FBXO34: variants seen among roughly 807,000 people sequenced by gnomAD.
FBXO34 encodes the protein F-box protein 34.
A neutral mutation model predicts 24.5 loss-of-function variants in FBXO34; 12 were observed. That is an observed-to-expected ratio of 0.49 (90% CI 0.31 to 0.79). The LOEUF is 0.79. Ranked by LOEUF, FBXO34 falls within the 30% of genes least tolerant of loss-of-function variation. The pLI, the probability that FBXO34 is intolerant of heterozygous loss-of-function variation, is 0.04. For synonymous variants in FBXO34, 320 were observed against 311.9 expected (o/e 1.03, Z -0.27); for missense variants, 823 against 857.7 (o/e 0.96, Z 0.51).
downstream of FBXO34, chr14:55,369,968 C>T (rs1487043973): frequency 1.3e-6 from 2 of 1,525,204 alleles, no homozygotes; most frequent in Non-Finnish European, 1.8e-6. Flanking sequence ...AACAACCATT[C>T]TCAACACCAG....
intron 1 of FBXO34, among the ~76,000 whole-genome samples, chr14:55,307,576 T>A (rs1024695476): frequency 1.3e-5 from 2 of 152,252 alleles, no homozygotes; most frequent in Admixed American, 1.3e-4. Flanking sequence ...GTAATTTCTT[T>A]ATAAACAAGG....
chr14:55,360,672 G>C (rs1483707385), intron 3 of FBXO34, among the ~76,000 whole-genome samples: 1 of 152,146 alleles, frequency 6.6e-6, no homozygotes, highest in African/African-American at 2.4e-5. Context: ...GAAGGTGAAA[G>C]TAGAAAGGAT....
In FBXO34 at chr14:55,352,800, A is replaced by G; in HGVS notation, c.*274A>G. 2.7e-6 allele frequency: 1 copy of G among 370,288 alleles called. No individual in the cohort carries two copies. Among genetic ancestry groups the G allele is most frequent in the South Asian group, 5.4e-5 (1 of 18,654 alleles). The allele number at this position is 370,288 out of a possible 1,614,324, so 22.9% of individuals were successfully genotyped here. ...AATAACTGCCTGTTTTCCTAAATCA[A>G]ACCCATCCTCAAAGGATGAAGACTC... On this transcript the variant is annotated 3_prime_UTR_variant, in exon 2 of 2. Transcript: ENST00000313833.
At chr14:55,283,509 G>C (rs1223445408) in intron 1 of FBXO34, among the ~76,000 whole-genome samples, 1 of 147,036 alleles carries the variant, frequency 6.8e-6, no homozygotes, top group African/African-American at 2.5e-5. Context: ...CTGTTGCCCA[G>C]GCTGGAGTGC....
In FBXO34 at chr14:55,308,039, A is replaced by T. The variant is rs1158396391; in HGVS notation, c.-11+36502A>T. Among the ~76,000 whole-genome samples, 4 of 152,136 alleles carry T rather than the reference A, an allele frequency of 2.6e-5. No individual in the cohort carries two copies. The South Asian group carries it at 8.3e-4, about 31-fold the overall frequency. On this transcript the variant is annotated intron_variant, in intron 1 of 1. Coordinates refer to ENST00000313833, the MANE Select transcript of FBXO34 (RefSeq NM_017943.4). Reference sequence around the variant, plus strand: ...GTGGTAATAAGTCTCACGAGATCCGATGGTTTTATAAATGGGATTCTCCTG... The same window carrying T: ...GTGGTAATAAGTCTCACGAGATCCGTTGGTTTTATAAATGGGATTCTCCTG...
the FBXO34 span, chr14:55,380,668 G>A: frequency 6.2e-7 from 1 of 1,608,656 alleles, no homozygotes; most frequent in Non-Finnish European, 8.5e-7. Context: ...TGATGGTGTA[G>A]GCAGGGTTAC....
chr14:55,377,868 G>T, the FBXO34 span: 1 of 1,605,376 alleles, frequency 6.2e-7, no homozygotes, highest in Non-Finnish European at 8.5e-7. Context: ...AGATTCCTGA[G>T]GGTATGCAGT....
chr14:55,294,984 G>A (rs79313899), intron 1 of FBXO34, among the ~76,000 whole-genome samples: 2,900 of 152,300 alleles, frequency 0.019, 88 homozygotes, highest in African/African-American at 0.062. Flanking sequence ...TTAGTCAACA[G>A]TTGGATAAAA....
chr14:55,408,774 A>AAAAAT, the FBXO34 span, among the ~76,000 whole-genome samples: 6 of 152,208 alleles, frequency 3.9e-5, no homozygotes, highest in Non-Finnish European at 7.3e-5. Flanking sequence ...CTGTCTCAAA[A>AAAAAT]AAAATAAAAT....
chr14:55,373,753 C>CT (rs1484586202), downstream of FBXO34, among the ~76,000 whole-genome samples: 1 of 151,590 alleles, frequency 6.6e-6, no homozygotes, highest in East Asian at 1.9e-4. Context: ...GCCACCATGC[C>CT]TGGTCCTATT....
At chr14:55,285,768 G>A (rs756188179) in intron 1 of FBXO34, among the ~76,000 whole-genome samples, 2 of 152,056 alleles carry the variant, frequency 1.3e-5, no homozygotes, top group Admixed American at 6.6e-5. Context: ...TCCTTTAACC[G>A]AACACTTGTT....
the FBXO34 span, among the ~76,000 whole-genome samples, chr14:55,389,949 C>G: frequency 6.6e-6 from 1 of 151,894 alleles, no homozygotes; most frequent in African/African-American, 2.4e-5. Flanking sequence ...AATGTGGAGA[C>G]TCACTAAGGG....
the FBXO34 span, among the ~76,000 whole-genome samples, chr14:55,416,448 A>G: frequency 6.6e-6 from 1 of 152,212 alleles, no homozygotes; most frequent in Admixed American, 6.5e-5. Context: ...GGAAAAAAAT[A>G]AAAAGAGAAA....
chr14:55,334,526 A>G (rs1594757673), intron 1 of FBXO34, among the ~76,000 whole-genome samples: 2 of 104,808 alleles, frequency 1.9e-5, no homozygotes, highest in Non-Finnish European at 3.5e-5. Context: ...ATTGGGTAAT[A>G]TTGATGGGGT....
the FBXO34 span, chr14:55,440,726 G>A: frequency 1.6e-6 from 1 of 630,120 alleles, no homozygotes. Context: ...CCTGGGGGCA[G>A]TCACCCCACT....
chr14:55,340,473 T>G (rs1883956188), intron 1 of FBXO34, among the ~76,000 whole-genome samples: 1 of 152,044 alleles, frequency 6.6e-6, no homozygotes, highest in Admixed American at 6.5e-5. Flanking sequence ...TCTCGAACTT[T>G]TGTGCTCAAG....
At chr14:55,431,835 T>C in the FBXO34 span, among the ~76,000 whole-genome samples, 1 of 152,222 alleles carries the variant, frequency 6.6e-6, no homozygotes, top group East Asian at 1.9e-4. Flanking sequence ...ATTAGCTGTA[T>C]TTCAAGTGCT....
At chr14:55,376,445 T>G in the FBXO34 span, among the ~76,000 whole-genome samples, 1 of 152,100 alleles carries the variant, frequency 6.6e-6, no homozygotes, top group South Asian at 2.1e-4. Context: ...GGATCAGGGG[T>G]GAGAGGCATG....
At chr14:55,433,642 G>A in the FBXO34 span, 16 of 1,613,806 alleles carry the variant, frequency 9.9e-6, no homozygotes, top group African/African-American at 5.3e-5. Flanking sequence ...TTTGGCTCCC[G>A]TGCAGACCAT....
Sources: allele counts gnomAD v4.1 joint callset (sites outside exome capture counted in the v4.1 genomes callset), GRCh38; gene constraint gnomAD v4.1.1; transcripts MANE v1.5; gene names NCBI Gene and HGNC (gene_info 2026-07-23, HGNC 2026-07-21).